RTN4RL1: variants seen among roughly 807,000 people sequenced by gnomAD.
RTN4RL1 encodes reticulon 4 receptor like 1.
In RTN4RL1, 7 loss-of-function variants were observed where a neutral mutation model predicts 25.6. The ratio of observed to expected loss-of-function variants is 0.27; its 90% CI spans 0.16 to 0.51. RTN4RL1 has a LOEUF of 0.51. Among genes scored for constraint, RTN4RL1 ranks in the 20% least tolerant of loss-of-function variants. The pLI is 0.97. For missense variants in RTN4RL1, 500 were observed against 615.6 expected, an observed-to-expected ratio of 0.81 and a Z score of 1.99; for synonymous variants, 297 against 288.2, an observed-to-expected ratio of 1.03 and a Z score of -0.31.
chr17:2,008,254 G>T (rs2067015519), intron 1 of RTN4RL1, among the ~76,000 whole-genome samples: 1 of 150,628 alleles, frequency 6.6e-6, no homozygotes, highest in Non-Finnish European at 1.5e-5. Flanking sequence ...GGGCAACAAG[G>T]GCTAGACTCC....
At chr17:1,950,110 G>A (rs1486420989) in intron 1 of RTN4RL1, among the ~76,000 whole-genome samples, 1 of 152,200 alleles carries the variant, frequency 6.6e-6, no homozygotes, top group Non-Finnish European at 1.5e-5. Context: ...CGGGGCGGGA[G>A]CAACAGGATT....
intron 1 of RTN4RL1, among the ~76,000 whole-genome samples, chr17:1,956,436 C>T (rs1053223730): frequency 1.1e-5 from 1 of 89,032 alleles, no homozygotes; most frequent in African/African-American, 4.6e-5. Flanking sequence ...AAGTGGGGGC[C>T]TGGTGGGGGG....
At chr17:1,983,159 C>G (rs533250036) in intron 1 of RTN4RL1, among the ~76,000 whole-genome samples, 2 of 151,866 alleles carry the variant, frequency 1.3e-5, no homozygotes, top group Non-Finnish European at 2.9e-5. Context: ...CAAGCGATTA[C>G]AGTAGCTGGG....
intron 1 of RTN4RL1, among the ~76,000 whole-genome samples, chr17:1,974,552 T>C (rs1277593130): frequency 1.3e-5 from 2 of 152,050 alleles, no homozygotes; most frequent in Admixed American, 1.3e-4. Context: ...GCCTAGGGCA[T>C]CCACAGGGAT....
At position 1,944,305 on chromosome 17, in the gene RTN4RL1, T is replaced by A. The variant is rs560192965; in HGVS notation, c.14-6497A>T. 2.0e-5 allele frequency among the ~76,000 whole-genome samples: 3 copies of A among 152,262 alleles called. No individual in the cohort carries two copies. The South Asian group carries it at 6.2e-4, about 32-fold the overall frequency. On this transcript the variant is annotated intron_variant, in intron 1 of 1. Coordinates refer to ENST00000331238, the MANE Select transcript of RTN4RL1 (RefSeq NM_178568.4). ...GTCATTTAAAGCTCCAGCGTGGCCC[T>A]CTTGTCTGCGGACGTCGGCCTCCCC...
At chr17:2,023,734 T>A (rs2067240644) in intron 1 of RTN4RL1, 1 of 129,584 alleles carries the variant, frequency 7.7e-6, no homozygotes, top group South Asian at 2.7e-4. Flanking sequence ...CCCATCCTGC[T>A]GTGAGGTCAG....
In RTN4RL1 at chr17:1,935,068, C is replaced by A. The variant is rs1214583916; in HGVS notation, c.*1428G>T. ...TCCCTCCTGCTGTCCCACACAGGGC[C>A]CTTGCTGGGTCACACACCAAACAGC... On this transcript the variant is annotated 3_prime_UTR_variant, in exon 2 of 2. Coordinates refer to ENST00000331238, the MANE Select transcript of RTN4RL1 (RefSeq NM_178568.4). The A allele has an allele frequency of 1.3e-5, 2 of 152,576 alleles. No individual in the cohort carries two copies. The highest frequency in any genetic ancestry group is 4.8e-5 in the African/African-American group (2 of 41,452). The allele number at this position is 152,576 out of a possible 1,614,324, so 9.5% of individuals were successfully genotyped here.
chr17:1,960,616 A>G (rs1915875734), intron 1 of RTN4RL1, among the ~76,000 whole-genome samples: 1 of 152,226 alleles, frequency 6.6e-6, no homozygotes, highest in Non-Finnish European at 1.5e-5. Context: ...ATTCACTGGC[A>G]CGCAGCATAT....
chr17:1,970,015 CTCTCT>C lies in RTN4RL1; in HGVS notation c.14-32212_14-32208del, dbSNP rs1193441939. 3.1e-3 allele frequency among the ~76,000 whole-genome samples: 232 copies of C among 74,422 alleles called. 2 individuals are homozygous for C. The highest frequency in any genetic ancestry group is 8.1e-3 in the African/African-American group (199 of 24,680). The allele number at this position is 74,422 out of a possible 152,430, so 48.8% of individuals were successfully genotyped here. On this transcript the variant is annotated intron_variant, in intron 1 of 1. Transcript: ENST00000331238. ...TGTGGCCTCAGGATTTCTGCTCTCT[CTCTCT>C]TTTTTTTTTTTTTTTTTTTGAGATA...
chr17:1,940,506 G>C (rs1374792856), intron 1 of RTN4RL1, among the ~76,000 whole-genome samples: 2 of 152,134 alleles, frequency 1.3e-5, no homozygotes, highest in Non-Finnish European at 2.9e-5. Flanking sequence ...CTCAGATCTG[G>C]CTTCCAGCCC....
At chr17:1,982,538 C>G (rs570710265) in intron 1 of RTN4RL1, among the ~76,000 whole-genome samples, 4 of 152,228 alleles carry the variant, frequency 2.6e-5, no homozygotes, top group Non-Finnish European at 2.9e-5. Flanking sequence ...TGGCATGAAC[C>G]AGGGAGCGGA....
intron 1 of RTN4RL1, among the ~76,000 whole-genome samples, chr17:2,008,029 T>C (rs1163728793): frequency 6.6e-6 from 1 of 151,814 alleles, no homozygotes; most frequent in Non-Finnish European, 1.5e-5. Context: ...TCCCAGCACT[T>C]TGGGAGGCCG....
intron 1 of RTN4RL1, among the ~76,000 whole-genome samples, chr17:2,021,692 T>G (rs1046122738): frequency 6.6e-6 from 1 of 151,302 alleles, no homozygotes; most frequent in Non-Finnish European, 1.5e-5. Flanking sequence ...GGAGCTGGGA[T>G]TACAGGCATG....
At chr17:1,981,336 G>A (rs574746026) in intron 1 of RTN4RL1, among the ~76,000 whole-genome samples, 2 of 152,290 alleles carry the variant, frequency 1.3e-5, no homozygotes, top group South Asian at 2.1e-4. Flanking sequence ...AGCCGTGATC[G>A]TGCTACTGCA....
chr17:1,975,098 C>T (rs1475003649), intron 1 of RTN4RL1, among the ~76,000 whole-genome samples: 1 of 151,828 alleles, frequency 6.6e-6, no homozygotes, highest in East Asian at 1.9e-4. Context: ...CTACCTTGCT[C>T]TCAGCACACG....
intron 1 of RTN4RL1, among the ~76,000 whole-genome samples, chr17:2,006,228 G>T (rs2066994589): frequency 6.6e-6 from 1 of 151,606 alleles, no homozygotes; most frequent in African/African-American, 2.4e-5. Context: ...CACAATCTCG[G>T]CTCACTGTAA....
intron 1 of RTN4RL1, among the ~76,000 whole-genome samples, chr17:2,010,947 T>C (rs2067042042): frequency 6.6e-6 from 1 of 152,076 alleles, no homozygotes; most frequent in Non-Finnish European, 1.5e-5. Flanking sequence ...AGGCAGTTCA[T>C]CGTTGTTAAA....
intron 1 of RTN4RL1, among the ~76,000 whole-genome samples, chr17:1,997,560 T>C (rs1421539566): frequency 1.3e-5 from 2 of 152,340 alleles, no homozygotes; most frequent in Admixed American, 6.5e-5. Flanking sequence ...TGCTCAATCA[T>C]AAACCACTGC....
intron 1 of RTN4RL1, among the ~76,000 whole-genome samples, chr17:1,999,022 A>T (rs575203912): frequency 2.7e-4 from 41 of 151,902 alleles, no homozygotes; most frequent in Admixed American, 2.0e-3. Flanking sequence ...GGACCACTCC[A>T]CAGCCCCTTA....
Sources: gnomAD v4.1 joint callset for allele counts (sites outside exome capture counted in the v4.1 genomes callset) on GRCh38, gnomAD v4.1.1 for gene constraint, MANE v1.5 for transcripts, NCBI Gene and HGNC (gene_info 2026-07-23, HGNC 2026-07-21) for gene names.